ARHGAP24: variants seen among roughly 807,000 people sequenced by gnomAD.
ARHGAP24 encodes rho GTPase-activating protein 24.
ARHGAP24 carries 50 observed loss-of-function variants against 76.4 expected under a neutral mutation model. The ratio of observed to expected loss-of-function variants is 0.65; its 90% CI spans 0.52 to 0.83. The LOEUF is 0.83. Ranked by LOEUF, ARHGAP24 falls within the 40% of genes least tolerant of loss-of-function variation. The pLI, the probability that ARHGAP24 is intolerant of heterozygous loss-of-function variation, is 0.00. For synonymous variants in ARHGAP24, 345 were observed against 323.3 expected, an observed-to-expected ratio of 1.07 and a Z score of -0.72; for missense variants, 930 against 914.2, an observed-to-expected ratio of 1.02 and a Z score of -0.22.
intron 1 of ARHGAP24, among the ~76,000 whole-genome samples, chr4:85,528,315 G>A (rs1273402425): frequency 2.0e-5 from 3 of 152,006 alleles, no homozygotes; most frequent in Admixed American, 6.6e-5. Context: ...AAAAATATTA[G>A]CTATGATTGC....
At chr4:85,987,934 G>A (rs1350872834) in intron 8 of ARHGAP24, among the ~76,000 whole-genome samples, 1 of 151,750 alleles carries the variant, frequency 6.6e-6, no homozygotes, top group Non-Finnish European at 1.5e-5. Context: ...AGGAACAAAG[G>A]ACACATTACA....
intron 1 of ARHGAP24, among the ~76,000 whole-genome samples, chr4:85,509,570 C>A (rs1384890890): frequency 6.6e-6 from 1 of 151,714 alleles, no homozygotes; most frequent in Admixed American, 6.6e-5. Flanking sequence ...CCTAATGAAC[C>A]ATTTGTCTCT....
chr4:85,921,325 A>T (rs1019826769), intron 3 of ARHGAP24, among the ~76,000 whole-genome samples: 10 of 152,198 alleles, frequency 6.6e-5, no homozygotes, highest in African/African-American at 2.4e-4. Flanking sequence ...AGTGGGAGCT[A>T]AATAGTGAGA....
intron 2 of ARHGAP24, among the ~76,000 whole-genome samples, chr4:85,595,121 C>T (rs1349360489): frequency 6.6e-6 from 1 of 152,004 alleles, no homozygotes; most frequent in Non-Finnish European, 1.5e-5. Flanking sequence ...AGACTTTTCA[C>T]AATGTGAGAA....
At chr4:85,547,305 A>G (rs1412040119) in intron 1 of ARHGAP24, among the ~76,000 whole-genome samples, 1 of 152,088 alleles carries the variant, frequency 6.6e-6, no homozygotes, top group Non-Finnish European at 1.5e-5. Flanking sequence ...TATGTCCCTC[A>G]GTTTTATTTG....
chr4:85,568,113 A>G (rs115528051), intron 1 of ARHGAP24, among the ~76,000 whole-genome samples: 3 of 152,336 alleles, frequency 2.0e-5, no homozygotes, highest in South Asian at 4.1e-4. Flanking sequence ...TAAGGCATTA[A>G]TGTACACAAA....
At chr4:85,504,921 A>C (rs1394055704) in intron 1 of ARHGAP24, among the ~76,000 whole-genome samples, 1 of 152,178 alleles carries the variant, frequency 6.6e-6, no homozygotes, top group South Asian at 2.1e-4. Flanking sequence ...CCTGGTGGTG[A>C]CAAAATCTCT....
At chr4:85,961,987 T>C (rs1738287587) in intron 5 of ARHGAP24, among the ~76,000 whole-genome samples, 1 of 152,110 alleles carries the variant, frequency 6.6e-6, no homozygotes, top group African/African-American at 2.4e-5. Context: ...GGGAAAAACA[T>C]GTAGGCAGGC....
At chr4:85,859,937 A>C (rs1052533552) in intron 3 of ARHGAP24, among the ~76,000 whole-genome samples, 4 of 152,098 alleles carry the variant, frequency 2.6e-5, no homozygotes, top group Non-Finnish European at 5.9e-5. Flanking sequence ...CAATTAAAAA[A>C]AAAATTCAAG....
At chr4:85,808,019 A>G (rs12500124) in intron 3 of ARHGAP24, among the ~76,000 whole-genome samples, 12,142 of 152,124 alleles carry the variant, frequency 0.08, 782 homozygotes, top group East Asian at 0.29. Context: ...GTTTTTTATT[A>G]CTAATTCACT....
chr4:85,623,260 A>T (rs551196131), intron 2 of ARHGAP24, among the ~76,000 whole-genome samples: 35 of 152,160 alleles, frequency 2.3e-4, no homozygotes, highest in African/African-American at 7.7e-4. Flanking sequence ...ATCCATCTTG[A>T]ATTAATTTTT....
At chr4:85,550,615 A>G (rs1560528913) in intron 1 of ARHGAP24, among the ~76,000 whole-genome samples, 1 of 152,144 alleles carries the variant, frequency 6.6e-6, no homozygotes. Context: ...TAGGAATAGC[A>G]TTGAATCTGT....
intron 2 of ARHGAP24, among the ~76,000 whole-genome samples, chr4:85,626,627 T>G (rs1205632397): frequency 2.6e-5 from 4 of 152,324 alleles, no homozygotes; most frequent in African/African-American, 9.6e-5. Context: ...TGGCCTGCCT[T>G]GCTATATTGG....
intron 2 of ARHGAP24, among the ~76,000 whole-genome samples, chr4:85,696,586 A>G (rs17010594): frequency 6.6e-6 from 1 of 152,018 alleles, no homozygotes; most frequent in African/African-American, 2.4e-5. Context: ...AATGCCTGTA[A>G]TGCTTTTGTA....
At chr4:85,633,724 G>A (rs562891968) in intron 2 of ARHGAP24, among the ~76,000 whole-genome samples, 35 of 151,722 alleles carry the variant, frequency 2.3e-4, no homozygotes, top group African/African-American at 8.2e-4. Flanking sequence ...ATTAACTATT[G>A]TAAATTAATA....
At chr4:85,524,499 C>T (rs998271373) in intron 1 of ARHGAP24, among the ~76,000 whole-genome samples, 1 of 151,992 alleles carries the variant, frequency 6.6e-6, no homozygotes, top group Non-Finnish European at 1.5e-5. Context: ...TATGATGACC[C>T]ATGGCCATTC....
At chr4:85,677,377 C>T (rs1461690606) in intron 2 of ARHGAP24, among the ~76,000 whole-genome samples, 7 of 152,294 alleles carry the variant, frequency 4.6e-5, no homozygotes, top group Admixed American at 2.6e-4. Flanking sequence ...GGCACACAGC[C>T]GGTACCTCCC....
chr4:85,510,168 A>C (rs1020096085), intron 1 of ARHGAP24, among the ~76,000 whole-genome samples: 6 of 152,212 alleles, frequency 3.9e-5, no homozygotes, highest in Non-Finnish European at 8.8e-5. Flanking sequence ...TTTCAGAGAA[A>C]AGACTTTGCC....
At chr4:85,794,451 T>C (rs1443757677) in intron 3 of ARHGAP24, among the ~76,000 whole-genome samples, 3 of 152,196 alleles carry the variant, frequency 2.0e-5, no homozygotes, top group Non-Finnish European at 4.4e-5. Context: ...GCTTTTTAAA[T>C]ATCCTTTCAT....
Sources: allele counts gnomAD v4.1 joint callset (sites outside exome capture counted in the v4.1 genomes callset), GRCh38; gene constraint gnomAD v4.1.1; transcripts MANE v1.5; gene names NCBI Gene and HGNC (gene_info 2026-07-23, HGNC 2026-07-21).